Variants in VWCE observed in about 807,000 individuals in gnomAD.
VWCE encodes von Willebrand factor C and EGF domain-containing protein.
VWCE carries 68 observed loss-of-function variants against 102.9 expected under a neutral mutation model. The ratio of observed to expected loss-of-function variants is 0.66; its 90% CI spans 0.54 to 0.81. The LOEUF (loss-of-function observed/expected upper bound fraction) is 0.81, where lower values mean the gene tolerates loss of function less well. Among genes scored for constraint, VWCE ranks in the 30% least tolerant of loss-of-function variants. The probability of loss-of-function intolerance (pLI) is 0.00; values close to 1 mark genes in which losing one functional copy is unlikely to be tolerated. For synonymous variants in VWCE, 497 were observed against 515.4 expected (o/e 0.96, Z 0.48); for missense variants, 1,137 against 1,263.6 (o/e 0.90, Z 1.52).
intron 11 of VWCE, among the ~76,000 whole-genome samples, chr11:61,276,344 G>A (rs112860394): frequency 6.7e-4 from 102 of 151,826 alleles, no homozygotes; most frequent in Non-Finnish European, 7.4e-4. Flanking sequence ...GAACCTGGGA[G>A]GCGGAGGTTG....
chr11:61,285,128 G>T (rs2134831685), intron 5 of VWCE, among the ~76,000 whole-genome samples: 1 of 152,142 alleles, frequency 6.6e-6, no homozygotes. Context: ...AGTGGTAGAA[G>T]CCCCCAGCCT....
chr11:61,258,533 G>A lies in VWCE; in HGVS notation c.*142C>T, dbSNP rs1053416203. 3 of 804,286 alleles carry A rather than the reference G, an allele frequency of 3.7e-6. No homozygotes were observed. In the African/African-American group the frequency reaches 5.3e-5, roughly 14 times the overall value. 49.8% of individuals were successfully genotyped at this position (804,286 alleles called of 1,614,324 possible). ...TGGGAACAAGGTTACATCCAGCCTT[G>A]GGGGTCTTCCATCCTCACCAGGGCC... is the stretch of plus-strand genomic sequence containing the variant. On this transcript the variant is annotated 3_prime_UTR_variant, in exon 20 of 20. Transcript: ENST00000335613.
Position 61,276,658 on chromosome 11 carries a change from G to T in VWCE, c.1430C>A (p.Ser477Tyr), listed in dbSNP as rs79096553. The part of the protein sequence containing the change: ...VCLAGNVSCI[S>Y]PECPSGPCQT... ...ACAGGGGCCAGAAGGACACTCAGGA[G>T]AGATGCAGGACACGTTTCCAGCCTG... The change falls in exon 11 of 20, where the codon TCT (serine) becomes TAT (tyrosine). Residue 477 changes from serine (S) to tyrosine (Y), a missense_variant. Transcript: ENST00000335613. 6.4e-4 allele frequency: 1,031 copies of T among 1,607,428 alleles called. 9 individuals carry two copies. The African/African-American group carries it at 0.013, about 20-fold the overall frequency.
At chr11:61,265,745 T>A (rs756716416) in intron 16 of VWCE, among the ~76,000 whole-genome samples, 10 of 152,222 alleles carry the variant, frequency 6.6e-5, no homozygotes, top group Non-Finnish European at 1.3e-4. Context: ...GTCAGCATGC[T>A]AAGCATGAAG....
intron 10 of VWCE, 49 bp downstream of exon 10, chr11:61,278,344 CA>C: frequency 6.2e-7 from 1 of 1,602,144 alleles, no homozygotes; most frequent in Non-Finnish European, 8.5e-7. Context: ...CTAAAACCCC[CA>C]AAGGTTAAGA....
intron 4 of VWCE, 49 bp downstream of exon 4, chr11:61,290,749 TA>T (rs1178837594): frequency 1.3e-6 from 2 of 1,560,640 alleles, no homozygotes; most frequent in Non-Finnish European, 1.7e-6. Context: ...GGAGGAGATA[TA>T]ATTCCCGCTG....
intron 3 of VWCE, 131 bp downstream of exon 3, chr11:61,291,133 G>T: frequency 8.2e-7 from 1 of 1,222,750 alleles, no homozygotes; most frequent in Non-Finnish European, 1.1e-6. Flanking sequence ...TATAAAATGG[G>T]CACAAAATGT....
chr11:61,271,454 C>T (rs921502207), intron 14 of VWCE: 1 of 464,312 alleles, frequency 2.2e-6, no homozygotes. Flanking sequence ...CAACAATACA[C>T]ACTTCTTAAG....
Position 61,280,394 on chromosome 11 carries a change from A to G in VWCE, c.1324+230T>C, listed in dbSNP as rs184416168. ...GTGGTTCTCAAAGTATGGTCCCTAG[A>G]CCAGCCACGTCAGTATCACCTGGGA... On this transcript the variant is annotated intron_variant, in intron 9 of 19. Transcript: ENST00000335613. Among the ~76,000 whole-genome samples, 46 of 152,146 alleles carry G rather than the reference A, an allele frequency of 3.0e-4. No homozygotes were observed. In the East Asian group the frequency reaches 8.5e-3, roughly 28 times the overall value.
chr11:61,273,112 C>T (rs1283593748), intron 13 of VWCE, 87 bp downstream of exon 13: 11 of 1,328,610 alleles, frequency 8.3e-6, no homozygotes, highest in Non-Finnish European at 1.2e-5. Flanking sequence ...AAACAGCACA[C>T]ACACCAGCAG....
Position 61,261,300 on chromosome 11 carries a change from G to T in VWCE, c.2231-1988C>A, listed in dbSNP as rs560752166. On this transcript the variant is annotated intron_variant, in intron 19 of 19. Coordinates refer to ENST00000335613, the MANE Select transcript of VWCE (RefSeq NM_152718.2). ...TGTCAAGCACATAAAAAACTGGAAT[G>T]ATTATATTTTAAAAATCAACTATTC... Among the ~76,000 whole-genome samples the T allele has an allele frequency of 5.3e-5, 8 of 152,098 alleles. No individual in the cohort carries two copies. The East Asian group carries it at 1.4e-3, about 26-fold the overall frequency.
intron 1 of VWCE, among the ~76,000 whole-genome samples, chr11:61,293,756 G>A (rs958310504): frequency 2.0e-5 from 3 of 152,202 alleles, no homozygotes; most frequent in Non-Finnish European, 4.4e-5. Flanking sequence ...GTGTTCTTGG[G>A]GAGAAAAATC....
intron 16 of VWCE, 117 bp from the exon 17 acceptor site, chr11:61,265,329 G>A (rs1255960440): frequency 1.0e-6 from 1 of 980,566 alleles, no homozygotes; most frequent in African/African-American, 1.7e-5. Flanking sequence ...ATTGTGGGAG[G>A]AGTCCATGGT....
chr11:61,279,725 TTTTTTTC>T (rs1221655278), intron 9 of VWCE, among the ~76,000 whole-genome samples: 1 of 152,060 alleles, frequency 6.6e-6, no homozygotes, highest in Non-Finnish European at 1.5e-5. Context: ...GAGAATCTGC[TTTTTTTC>T]TTTTTTCTTT....
intron 7 of VWCE, 77 bp from the exon 8 acceptor site, chr11:61,281,312 C>T (rs1157888940): frequency 1.3e-6 from 2 of 1,533,734 alleles, no homozygotes; most frequent in Admixed American, 1.8e-5. Context: ...CTGGGCTCGG[C>T]TCCACCACCA....
At chr11:61,270,819 C>A (rs1218934748) in intron 14 of VWCE, among the ~76,000 whole-genome samples, 9 of 149,816 alleles carry the variant, frequency 6.0e-5, no homozygotes, top group African/African-American at 2.2e-4. Flanking sequence ...CACTGTGTTA[C>A]ACACACTTTT....
chr11:61,276,449 G>T, intron 11 of VWCE, 144 bp downstream of exon 11: 1 of 540,566 alleles, frequency 1.8e-6, no homozygotes. Context: ...TGGGCTTGGG[G>T]GCTCATGCCT....
rs372833210 is a variant in VWCE at position 61,271,777 on chromosome 11, G to T, written c.1700-17C>A. 514 of 1,610,916 alleles carry T rather than the reference G, an allele frequency of 3.2e-4. 5 individuals carry two copies. In the South Asian group the frequency reaches 4.6e-3, roughly 14 times the overall value. On this transcript the variant is annotated splice_polypyrimidine_tract_variant and intron_variant, in intron 13 of 19. Coordinates refer to ENST00000335613, the MANE Select transcript of VWCE (RefSeq NM_152718.2). The stretch of plus-strand genomic sequence containing the variant: ...GAGAGCAGCCTGGATGAGGACAATG[G>T]CAGAGAAAAGACGGCACAAGACCTA...
intron 15 of VWCE, 121 bp from the exon 16 acceptor site, chr11:61,267,665 A>T: frequency 1.2e-6 from 1 of 850,528 alleles, no homozygotes; most frequent in South Asian, 1.5e-5. Context: ...CTCCCCAGGC[A>T]GTCACCCTGG....
Sources: allele counts gnomAD v4.1 joint callset (sites outside exome capture counted in the v4.1 genomes callset), GRCh38; gene constraint gnomAD v4.1.1; transcripts MANE v1.5; gene names NCBI Gene and HGNC (gene_info 2026-07-23, HGNC 2026-07-21).